Variants in TMEM108 observed in about 807,000 individuals in gnomAD.
TMEM108 encodes cancer/testis antigen 124.
Under a neutral mutation model 35.1 loss-of-function variants are expected in TMEM108, and 12 were observed. That is an observed-to-expected ratio of 0.34 (90% confidence interval 0.22 to 0.55). The LOEUF (loss-of-function observed/expected upper bound fraction) is 0.55. Among genes scored for constraint, TMEM108 ranks in the 20% least tolerant of loss-of-function variants. The probability of loss-of-function intolerance (pLI) is 0.89; values close to 1 mark genes in which losing one functional copy is unlikely to be tolerated. For synonymous variants in TMEM108, 287 were observed against 308.6 expected (o/e 0.93, Z 0.73); for missense variants, 680 against 753.3 (o/e 0.90, Z 1.14).
chr3:133,099,528 G>A (rs992003193), intron 2 of TMEM108, among the ~76,000 whole-genome samples: 2 of 152,174 alleles, frequency 1.3e-5, no homozygotes, highest in Admixed American at 6.5e-5. Flanking sequence ...TCATCAGGCT[G>A]TAAATTTTCT....
chr3:133,114,855 G>C (rs751622717), intron 2 of TMEM108, among the ~76,000 whole-genome samples: 1 of 152,070 alleles, frequency 6.6e-6, no homozygotes, highest in Non-Finnish European at 1.5e-5. Flanking sequence ...TGTATTACTC[G>C]AGATGCAAGG....
At chr3:133,376,131 A>G (rs781307358) in intron 3 of TMEM108, among the ~76,000 whole-genome samples, 2 of 152,240 alleles carry the variant, frequency 1.3e-5, no homozygotes, top group Non-Finnish European at 2.9e-5. Context: ...TAGGCTGTGT[A>G]TCTTACAGCA....
At chr3:133,206,364 T>C (rs1262254647) in intron 2 of TMEM108, among the ~76,000 whole-genome samples, 2 of 152,228 alleles carry the variant, frequency 1.3e-5, no homozygotes, top group African/African-American at 2.4e-5. Flanking sequence ...TGTGATCCTT[T>C]GGAGGAGAAG....
chr3:133,386,738 T>G, intron 4 of TMEM108: 2 of 1,290,506 alleles, frequency 1.5e-6, no homozygotes, highest in Non-Finnish European at 2.0e-6. Context: ...GCTGCGCAGT[T>G]TACAAAACGC....
At chr3:133,132,574 A>G (rs1367657467) in intron 2 of TMEM108, among the ~76,000 whole-genome samples, 1 of 152,146 alleles carries the variant, frequency 6.6e-6, no homozygotes, top group Non-Finnish European at 1.5e-5. Flanking sequence ...GACAATACAC[A>G]TGGTCACCCA....
chr3:133,194,314 A>G (rs950133267), intron 2 of TMEM108, among the ~76,000 whole-genome samples: 2 of 152,066 alleles, frequency 1.3e-5, no homozygotes, highest in South Asian at 2.1e-4. Context: ...AATATAAGCA[A>G]TTTCACTGGA....
intron 3 of TMEM108, among the ~76,000 whole-genome samples, chr3:133,296,574 G>C (rs1025073902): frequency 6.6e-6 from 1 of 151,946 alleles, no homozygotes; most frequent in East Asian, 1.9e-4. Flanking sequence ...GCAGTAGTCT[G>C]ATGTCTTCAT....
At chr3:133,240,586 C>T (rs983820427) in intron 3 of TMEM108, among the ~76,000 whole-genome samples, 9 of 152,172 alleles carry the variant, frequency 5.9e-5, no homozygotes, top group Non-Finnish European at 1.3e-4. Flanking sequence ...AATGTTAACC[C>T]TTAATGAGTA....
At chr3:133,126,310 T>C (rs1369244294) in intron 2 of TMEM108, among the ~76,000 whole-genome samples, 1 of 151,768 alleles carries the variant, frequency 6.6e-6, no homozygotes, top group Non-Finnish European at 1.5e-5. Context: ...ACTAAAAAAA[T>C]ACAAAAATTA....
At chr3:133,041,544 G>T (rs559601539) in intron 1 of TMEM108, among the ~76,000 whole-genome samples, 1 of 152,256 alleles carries the variant, frequency 6.6e-6, no homozygotes, top group Non-Finnish European at 1.5e-5. Context: ...AAAGAAAATA[G>T]TTCTGAAAGC....
At chr3:133,224,500 G>A (rs34413700) in intron 2 of TMEM108, among the ~76,000 whole-genome samples, 20,073 of 152,164 alleles carry the variant, frequency 0.13, 1,431 homozygotes, top group South Asian at 0.22. Flanking sequence ...ACATGTTGTG[G>A]GAAGGGGGAC....
intron 3 of TMEM108, among the ~76,000 whole-genome samples, chr3:133,263,307 C>G (rs1315000994): frequency 6.6e-6 from 1 of 152,216 alleles, no homozygotes; most frequent in Non-Finnish European, 1.5e-5. Context: ...CCATCTGAAG[C>G]TAAGTTATTA....
chr3:133,323,041 A>G (rs1236078984), intron 3 of TMEM108, among the ~76,000 whole-genome samples: 1 of 152,166 alleles, frequency 6.6e-6, no homozygotes, highest in Non-Finnish European at 1.5e-5. Context: ...TGACAAACCC[A>G]CAGCCAACAT....
chr3:133,378,518 G>A (rs2072909907), intron 3 of TMEM108: 2 of 985,384 alleles, frequency 2.0e-6, no homozygotes, highest in African/African-American at 1.7e-5. Flanking sequence ...GCCTGAGGAT[G>A]ACAAAGAAGG....
chr3:133,171,077 C>G (rs1945123409), intron 2 of TMEM108, among the ~76,000 whole-genome samples: 1 of 152,082 alleles, frequency 6.6e-6, no homozygotes, highest in Non-Finnish European at 1.5e-5. Flanking sequence ...GTCATTGGTT[C>G]CACCTAACTT....
chr3:133,211,476 A>ATT (rs995419104), intron 2 of TMEM108, among the ~76,000 whole-genome samples: 1 of 152,194 alleles, frequency 6.6e-6, no homozygotes, highest in Non-Finnish European at 1.5e-5. Flanking sequence ...CTCCTTTAGT[A>ATT]TTTGGCATCT....
At chr3:133,327,700 CAG>C (rs2071347925) in intron 3 of TMEM108, among the ~76,000 whole-genome samples, 1 of 152,088 alleles carries the variant, frequency 6.6e-6, no homozygotes, top group Admixed American at 6.6e-5. Flanking sequence ...TACAGAGGCT[CAG>C]GGGCAGGGAT....
At chr3:133,102,836 A>C (rs529816591) in intron 2 of TMEM108, among the ~76,000 whole-genome samples, 1 of 152,114 alleles carries the variant, frequency 6.6e-6, no homozygotes, top group Non-Finnish European at 1.5e-5. Flanking sequence ...CATGTGAAAA[A>C]AAGCTCAACA....
chr3:133,122,930 C>T (rs969031299), intron 2 of TMEM108, among the ~76,000 whole-genome samples: 19 of 151,908 alleles, frequency 1.3e-4, no homozygotes, highest in African/African-American at 4.6e-4. Flanking sequence ...AGTTTTCCTT[C>T]CTATTGTCTC....
Sources: gnomAD v4.1 joint callset for allele counts (sites outside exome capture counted in the v4.1 genomes callset) on GRCh38, gnomAD v4.1.1 for gene constraint, MANE v1.5 for transcripts, NCBI Gene and HGNC (gene_info 2026-07-23, HGNC 2026-07-21) for gene names.